MAGI1: variants seen among roughly 807,000 people sequenced by gnomAD.
MAGI1 encodes the protein membrane-associated guanylate kinase, WW and PDZ domain-containing protein 1.
In MAGI1, 58 loss-of-function variants were observed where a neutral mutation model predicts 139.9. The observed-to-expected ratio is 0.41, with a 90% CI of 0.34 to 0.52. The LOEUF is 0.52. Among genes scored for constraint, MAGI1 ranks in the 20% least tolerant of loss-of-function variants. The pLI, the probability that MAGI1 is intolerant of heterozygous loss-of-function variation, is 0.12. For missense variants in MAGI1, 1,874 were observed against 1,901.6 expected, an observed-to-expected ratio of 0.99 and a Z score of 0.27; for synonymous variants, 812 against 737.9, an observed-to-expected ratio of 1.10 and a Z score of -1.63.
intron 1 of MAGI1, among the ~76,000 whole-genome samples, chr3:65,943,203 G>C (rs150059202): frequency 6.6e-6 from 1 of 152,054 alleles, no homozygotes; most frequent in East Asian, 1.9e-4. Context: ...TGTTTCTTTT[G>C]CTGGGAGAAG....
At chr3:65,728,142 G>A (rs928810758) in intron 1 of MAGI1, among the ~76,000 whole-genome samples, 1 of 152,162 alleles carries the variant, frequency 6.6e-6, no homozygotes, top group Non-Finnish European at 1.5e-5. Context: ...TTCTAAGGAG[G>A]TGGCATAGGA....
At position 65,622,027 on chromosome 3, in the gene MAGI1, A is replaced by C; in HGVS notation, c.375T>G (p.Pro125=). Residue 125 remains proline (P), a synonymous_variant, in exon 2 of 23, where the codon CCT becomes CCG. Transcript: ENST00000402939. Reference sequence around the variant, plus strand: ...TTATGGTCTGCTGGAGCTCATGATCAGGAGACCCCTTCTGGAATCGCTGAT... The same window carrying C: ...TTATGGTCTGCTGGAGCTCATGATCCGGAGACCCCTTCTGGAATCGCTGAT... ...FLNQRFQKGS[P]DHELQQTIRD... The C allele has an allele frequency of 6.2e-7, 1 of 1,614,050 alleles. No homozygotes were observed. Among genetic ancestry groups the C allele is most frequent in the Non-Finnish European group, 8.5e-7 (1 of 1,179,968 alleles).
At chr3:65,886,075 G>T (rs560278248) in intron 1 of MAGI1, among the ~76,000 whole-genome samples, 5 of 152,204 alleles carry the variant, frequency 3.3e-5, no homozygotes, top group African/African-American at 1.2e-4. Context: ...ACCTTACAAA[G>T]AATAATGTGC....
chr3:65,669,345 A>C (rs1429727554), intron 1 of MAGI1, among the ~76,000 whole-genome samples: 1 of 152,210 alleles, frequency 6.6e-6, no homozygotes, highest in Non-Finnish European at 1.5e-5. Context: ...TTGTTTGATG[A>C]GAGGAATGAG....
chr3:66,022,065 G>C (rs1012553246), intron 1 of MAGI1, among the ~76,000 whole-genome samples: 8 of 152,098 alleles, frequency 5.3e-5, no homozygotes, highest in Non-Finnish European at 1.2e-4. Context: ...TCAGGCAACA[G>C]GGTGACTCAC....
At chr3:65,392,372 C>T (rs963592660) in intron 13 of MAGI1, among the ~76,000 whole-genome samples, 1 of 152,116 alleles carries the variant, frequency 6.6e-6, no homozygotes, top group Non-Finnish European at 1.5e-5. Context: ...AACAAAAAAT[C>T]CTGCAGTCAT....
intron 1 of MAGI1, among the ~76,000 whole-genome samples, chr3:65,772,442 G>C (rs1396478873): frequency 6.6e-6 from 1 of 152,148 alleles, no homozygotes; most frequent in Non-Finnish European, 1.5e-5. Flanking sequence ...GTGGGCATGG[G>C]ACCTGGGATG....
intron 1 of MAGI1, among the ~76,000 whole-genome samples, chr3:65,742,824 A>T (rs2035388611): frequency 6.6e-6 from 1 of 152,224 alleles, no homozygotes; most frequent in South Asian, 2.1e-4. Flanking sequence ...TCATACAGTC[A>T]ATCAGAATGT....
At chr3:65,884,994 T>C (rs2060475658) in intron 1 of MAGI1, among the ~76,000 whole-genome samples, 1 of 152,172 alleles carries the variant, frequency 6.6e-6, no homozygotes, top group Non-Finnish European at 1.5e-5. Flanking sequence ...ACAAAAATTG[T>C]TCATCACATC....
chr3:65,707,319 A>C (rs550776045), intron 1 of MAGI1, among the ~76,000 whole-genome samples: 29 of 152,312 alleles, frequency 1.9e-4, no homozygotes, highest in African/African-American at 7.0e-4. Context: ...AAACCATGCA[A>C]TTGAGATGGC....
At chr3:65,872,922 G>A (rs1459962484) in intron 1 of MAGI1, 7 of 152,108 alleles carry the variant, frequency 4.6e-5, no homozygotes, top group Non-Finnish European at 8.8e-5. Flanking sequence ...AGCACTGAGT[G>A]GGAAATAGCA....
At chr3:65,450,551 G>C (rs1948970491) in intron 6 of MAGI1, among the ~76,000 whole-genome samples, 4 of 152,176 alleles carry the variant, frequency 2.6e-5, no homozygotes, top group Admixed American at 2.6e-4. Flanking sequence ...TGGGGGGAAA[G>C]ATCATCAGTT....
intron 1 of MAGI1, among the ~76,000 whole-genome samples, chr3:65,775,954 A>T (rs973371363): frequency 2.6e-5 from 4 of 151,836 alleles, no homozygotes; most frequent in African/African-American, 9.7e-5. Context: ...AAAAAAAAAA[A>T]AAAAGTTTCT....
chr3:65,378,678 CT>C (rs200278928), intron 17 of MAGI1, among the ~76,000 whole-genome samples: 35 of 144,820 alleles, frequency 2.4e-4, no homozygotes, highest in East Asian at 1.7e-3. Flanking sequence ...CTTTCCTTTC[CT>C]TTTCTTTTTT....
intron 1 of MAGI1, among the ~76,000 whole-genome samples, chr3:66,019,797 A>T (rs1055311504): frequency 8.5e-5 from 13 of 152,264 alleles, no homozygotes; most frequent in Admixed American, 2.6e-4. Flanking sequence ...CACCTGTCCA[A>T]TTTGACCTTT....
chr3:65,981,839 A>G (rs1356692070), intron 1 of MAGI1, among the ~76,000 whole-genome samples: 1 of 152,174 alleles, frequency 6.6e-6, no homozygotes, highest in African/African-American at 2.4e-5. Context: ...CTCCCCAGCC[A>G]TGTGGAACTG....
At chr3:65,360,346 T>C (rs1344094360) in intron 22 of MAGI1, 1 of 978,086 alleles carries the variant, frequency 1.0e-6, no homozygotes, top group Non-Finnish European at 1.2e-6. Flanking sequence ...AGGGCATAGC[T>C]TCTTCTTTTT....
At chr3:65,707,803 G>A (rs903140571) in intron 1 of MAGI1, among the ~76,000 whole-genome samples, 2 of 151,512 alleles carry the variant, frequency 1.3e-5, no homozygotes, top group Non-Finnish European at 2.9e-5. Context: ...ACCCTCTCAA[G>A]CTTCTTTCTC....
intron 1 of MAGI1, among the ~76,000 whole-genome samples, chr3:65,755,512 G>A: frequency 6.8e-6 from 1 of 147,778 alleles, no homozygotes; most frequent in East Asian, 2.2e-4. Context: ...GAACAGTGGG[G>A]GTGGTAATTA....
Sources: gnomAD v4.1 joint callset for allele counts (sites outside exome capture counted in the v4.1 genomes callset) on GRCh38, gnomAD v4.1.1 for gene constraint, MANE v1.5 for transcripts, NCBI Gene and HGNC (gene_info 2026-07-23, HGNC 2026-07-21) for gene names.